The following HDAC8 variants were observed in gnomAD, a reference collection of about 807,000 sequenced individuals.
HDAC8 encodes histone deacetylase-like 1.
Under a neutral mutation model 32.2 loss-of-function variants are expected in HDAC8, and 1 was observed. That is an observed-to-expected ratio of 0.03 (90% CI 0.01 to 0.15). The LOEUF (loss-of-function observed/expected upper bound fraction) is 0.15, where lower values mean the gene tolerates loss of function less well. Ranked by LOEUF, HDAC8 falls within the 10% of genes least tolerant of loss-of-function variation. The pLI is 1.00. For synonymous variants in HDAC8, 108 were observed against 113.9 expected (o/e 0.95, Z 0.33); for missense variants, 117 against 300.0 (o/e 0.39, Z 4.51).
intron 9 of HDAC8, among the ~76,000 whole-genome samples, chrX:72,421,462 T>C (rs1315513099): frequency 8.9e-6 from 1 of 111,853 alleles, no homozygotes; most frequent in Admixed American, 9.5e-5. Context: ...CATGTGGTGT[T>C]TGGTTTTCTG....
At chrX:72,441,177 G>A (rs1015763844) in intron 9 of HDAC8, among the ~76,000 whole-genome samples, 14 of 112,787 alleles carry the variant, frequency 1.2e-4, no homozygotes, top group Non-Finnish European at 2.1e-4. Context: ...GCTTTGAAGA[G>A]AGCAGTGGTT....
At position 72,572,698 on chromosome X, in the gene HDAC8, G is replaced by A. The variant is rs782743611; in HGVS notation, c.64C>T (p.Pro22Ser). The A allele has an allele frequency of 2.5e-6, 3 of 1,208,247 alleles. No individual in the cohort carries two copies. Among genetic ancestry groups the A allele is most frequent in the Non-Finnish European group, 3.4e-6 (3 of 894,174 alleles). Residue 22 changes from proline (P) to serine (S), a missense_variant, in exon 1 of 11, where the codon CCC becomes TCC. Around this residue, in one of 4 missense-constraint regions of HDAC8, gnomAD observed 37 missense variants for 53.1 expected, o/e 0.70. Coordinates refer to ENST00000373573, the MANE Select transcript of HDAC8 (RefSeq NM_018486.3). ...GAGTCACACATACTGACATACTCGG[G>A]ACTATAGATATAAACCGGGACCAGC... The part of the protein sequence containing the change: ...QSLVPVYIYS[P>S]EYVSMCDSLA...
At position 72,534,342 on chromosome X, in the gene HDAC8, T is replaced by A. The variant is rs781956830; in HGVS notation, c.437+33547A>T. 2.8e-5 allele frequency among the ~76,000 whole-genome samples: 3 copies of A among 105,798 alleles called. No homozygotes were observed. The South Asian group carries it at 1.3e-3, about 45-fold the overall frequency. 91.9% of individuals were successfully genotyped at this position (105,798 alleles called of 115,157 possible). A position where few individuals can be genotyped will look rare whatever the true frequency, so the allele number is the denominator to read the frequency against. ...TTTTTTTTTTTTGAGAAAGTCTCAT[T>A]CTGTTGCCTAGGCTGGAGTACAGTA... On this transcript the variant is annotated intron_variant, in intron 4 of 10. Coordinates refer to ENST00000373573, the MANE Select transcript of HDAC8 (RefSeq NM_018486.3).
At chrX:72,467,785 C>T in intron 7 of HDAC8, 1 of 473,348 alleles carries the variant, frequency 2.1e-6, no homozygotes, top group Non-Finnish European at 3.4e-6. Context: ...AGGCCAGTGA[C>T]AGCAAGGATA....
chrX:72,502,809 C>G (rs1281201803), intron 4 of HDAC8, among the ~76,000 whole-genome samples: 2 of 109,929 alleles, frequency 1.8e-5, no homozygotes, highest in Non-Finnish European at 3.8e-5. Flanking sequence ...ACCTGTAGTC[C>G]CAGCTACTCA....
intron 4 of HDAC8, among the ~76,000 whole-genome samples, chrX:72,496,418 G>A (rs1484361100): frequency 1.8e-5 from 2 of 110,725 alleles, no homozygotes; most frequent in Admixed American, 9.7e-5. Context: ...CAATCATCTA[G>A]CCAAAGAATA....
chrX:72,569,475 A>G (rs1388754270), intron 2 of HDAC8, among the ~76,000 whole-genome samples: 1 of 112,326 alleles, frequency 8.9e-6, no homozygotes, highest in African/African-American at 3.2e-5. Context: ...TAAAAGGATA[A>G]CACATACAAA....
chrX:72,388,429 G>C (rs1008284024), intron 9 of HDAC8, among the ~76,000 whole-genome samples: 3 of 109,838 alleles, frequency 2.7e-5, no homozygotes, highest in Non-Finnish European at 5.7e-5. Flanking sequence ...GGGGTCTTTG[G>C]TAAGCCTTTG....
At chrX:72,390,740 C>G (rs1201075012) in intron 9 of HDAC8, among the ~76,000 whole-genome samples, 4 of 111,574 alleles carry the variant, frequency 3.6e-5, no homozygotes, top group African/African-American at 9.8e-5. Flanking sequence ...CACAATGAAA[C>G]AAGATTCCCT....
intron 9 of HDAC8, among the ~76,000 whole-genome samples, chrX:72,387,951 G>A (rs782669303): frequency 9.0e-6 from 1 of 111,017 alleles, no homozygotes; most frequent in African/African-American, 3.3e-5. Flanking sequence ...CTATGGAGGG[G>A]AGGGGTGGCC....
At chrX:72,336,471 G>A (rs1390561143) in intron 10 of HDAC8, among the ~76,000 whole-genome samples, 4 of 112,560 alleles carry the variant, frequency 3.6e-5, no homozygotes, top group African/African-American at 1.3e-4. Context: ...GATTTATTGG[G>A]ACATAACCCC....
At chrX:72,510,231 A>G (rs192051861) in intron 4 of HDAC8, among the ~76,000 whole-genome samples, 26 of 112,225 alleles carry the variant, frequency 2.3e-4, no homozygotes, top group African/African-American at 8.1e-4. Flanking sequence ...AACACGTGTG[A>G]AAAATGATTA....
intron 9 of HDAC8, among the ~76,000 whole-genome samples, chrX:72,432,166 G>A (rs2046837953): frequency 9.1e-6 from 1 of 109,872 alleles, no homozygotes; most frequent in African/African-American, 3.3e-5. Flanking sequence ...TGGAGACAGG[G>A]TCTCACTATG....
chrX:72,386,883 C>T (rs1193998227), intron 9 of HDAC8, among the ~76,000 whole-genome samples: 2 of 111,663 alleles, frequency 1.8e-5, no homozygotes, highest in Non-Finnish European at 3.8e-5. Flanking sequence ...TGAGGGAATG[C>T]GAAGTGGAGG....
chrX:72,439,751 A>G (rs2047065862), intron 9 of HDAC8, among the ~76,000 whole-genome samples: 1 of 111,137 alleles, frequency 9.0e-6, no homozygotes, highest in African/African-American at 3.3e-5. Flanking sequence ...TGGTAAAGGG[A>G]TCAATGCAAA....
chrX:72,455,150 C>G (rs1555989139), intron 9 of HDAC8, among the ~76,000 whole-genome samples: 1 of 111,861 alleles, frequency 8.9e-6, no homozygotes, highest in Admixed American at 9.5e-5. Flanking sequence ...ATGGTTTATG[C>G]TGGAGCAACT....
At chrX:72,544,612 C>G (rs190509103) in intron 4 of HDAC8, among the ~76,000 whole-genome samples, 1 of 111,509 alleles carries the variant, frequency 9.0e-6, no homozygotes, top group African/African-American at 3.3e-5. Context: ...CCCAGAAACA[C>G]GATTTTTACA....
At chrX:72,458,942 C>T (rs1184783332) in intron 9 of HDAC8, among the ~76,000 whole-genome samples, 1 of 111,494 alleles carries the variant, frequency 9.0e-6, no homozygotes, top group African/African-American at 3.3e-5. Context: ...ATCCTTCCTA[C>T]TGTCTCTCAT....
chrX:72,419,867 T>C (rs1164526159), intron 9 of HDAC8, among the ~76,000 whole-genome samples: 4 of 111,778 alleles, frequency 3.6e-5, no homozygotes, highest in Non-Finnish European at 7.5e-5. Context: ...GACAACCATG[T>C]GTTTTTTTTC....
Sources: gnomAD v4.1 joint callset for allele counts (sites outside exome capture counted in the v4.1 genomes callset) on GRCh38, gnomAD v4.1.1 for gene constraint, gnomAD v4.1.1 regional missense constraint, MANE v1.5 for transcripts, NCBI Gene and HGNC (gene_info 2026-07-23, HGNC 2026-07-21) for gene names.